Variants in ZNF804A observed in about 807,000 individuals in gnomAD.
The protein encoded by ZNF804A is zinc finger protein 804A.
A neutral mutation model predicts 16.5 loss-of-function variants in ZNF804A; 2 were observed. That is an observed-to-expected ratio of 0.12 (90% CI 0.05 to 0.38). ZNF804A has a LOEUF of 0.38. Among genes scored for constraint, ZNF804A ranks in the 10% least tolerant of loss-of-function variants. The pLI is 0.99. For synonymous variants in ZNF804A, 534 were observed against 489.6 expected, an observed-to-expected ratio of 1.09 and a Z score of -1.20; for missense variants, 1,473 against 1,390.7, an observed-to-expected ratio of 1.06 and a Z score of -0.94.
At chr2:184,647,947 AG>A (rs991692685) in intron 1 of ZNF804A, among the ~76,000 whole-genome samples, 32 of 152,172 alleles carry the variant, frequency 2.1e-4, no homozygotes, top group African/African-American at 7.5e-4. Flanking sequence ...AACATTCTAA[AG>A]TCAACACTAA....
At chr2:184,795,767 A>G (rs1274847998) in intron 1 of ZNF804A, among the ~76,000 whole-genome samples, 1 of 152,182 alleles carries the variant, frequency 6.6e-6, no homozygotes, top group Non-Finnish European at 1.5e-5. Context: ...TGAAATAAAA[A>G]AGACCATGCA....
intron 1 of ZNF804A, among the ~76,000 whole-genome samples, chr2:184,763,934 G>A (rs905184921): frequency 2.6e-5 from 4 of 151,896 alleles, no homozygotes; most frequent in Non-Finnish European, 4.4e-5. Flanking sequence ...GAGCCACTGC[G>A]CTGGCCCAAA....
chr2:184,717,289 C>A (rs1313424699), intron 1 of ZNF804A, among the ~76,000 whole-genome samples: 4 of 152,008 alleles, frequency 2.6e-5, no homozygotes, highest in African/African-American at 9.7e-5. Flanking sequence ...GAATTATTTT[C>A]CCAAATTTCT....
chr2:184,627,261 C>CAA (rs1691520964), intron 1 of ZNF804A, among the ~76,000 whole-genome samples: 1 of 151,652 alleles, frequency 6.6e-6, no homozygotes, highest in Non-Finnish European at 1.5e-5. Context: ...AATCATAATA[C>CAA]AATTGAATTT....
chr2:184,704,831 C>T (rs1389741796), intron 1 of ZNF804A, among the ~76,000 whole-genome samples: 1 of 152,284 alleles, frequency 6.6e-6, no homozygotes, highest in East Asian at 1.9e-4. Flanking sequence ...TGACACTGGT[C>T]GCTAACAACT....
chr2:184,629,487 A>G (rs1691568696), intron 1 of ZNF804A, among the ~76,000 whole-genome samples: 1 of 152,176 alleles, frequency 6.6e-6, no homozygotes, highest in Non-Finnish European at 1.5e-5. Flanking sequence ...ATTGTAATAA[A>G]CTAGATAGAT....
intron 1 of ZNF804A, among the ~76,000 whole-genome samples, chr2:184,756,727 CAT>C (rs1171786326): frequency 3.3e-5 from 5 of 151,904 alleles, no homozygotes; most frequent in Non-Finnish European, 7.4e-5. Flanking sequence ...CATTTAAATA[CAT>C]GTGTGTATAG....
chr2:184,744,829 A>G (rs1693763715), intron 1 of ZNF804A, among the ~76,000 whole-genome samples: 2 of 151,926 alleles, frequency 1.3e-5, no homozygotes, highest in African/African-American at 4.8e-5. Context: ...AACTATCCGT[A>G]TAAATATGCA....
chr2:184,899,584 A>G (rs1044696395), intron 2 of ZNF804A, among the ~76,000 whole-genome samples: 3 of 152,062 alleles, frequency 2.0e-5, no homozygotes, highest in African/African-American at 4.8e-5. Flanking sequence ...ATGTTCTACA[A>G]TAAGAAAGTA....
intron 1 of ZNF804A, among the ~76,000 whole-genome samples, chr2:184,832,230 T>C (rs1315004250): frequency 2.6e-5 from 4 of 152,006 alleles, no homozygotes; most frequent in Non-Finnish European, 4.4e-5. Context: ...GTCCTAGATA[T>C]CCAAATATCT....
At chr2:184,860,029 T>C (rs141420843) in intron 1 of ZNF804A, among the ~76,000 whole-genome samples, 1 of 152,306 alleles carries the variant, frequency 6.6e-6, no homozygotes, top group East Asian at 1.9e-4. Flanking sequence ...TAGGTCTGGG[T>C]CCTGAGTCCA....
At chr2:184,701,479 A>G (rs1165836573) in intron 1 of ZNF804A, among the ~76,000 whole-genome samples, 1 of 151,924 alleles carries the variant, frequency 6.6e-6, no homozygotes, top group Admixed American at 6.6e-5. Flanking sequence ...GTTGCCTGAA[A>G]TCATGAGTAA....
At position 184,936,856 on chromosome 2, in the gene ZNF804A, A is replaced by C; in HGVS notation, c.1460A>C (p.Gln487Pro). ...GACTTAAAAGATCTTTGTTCTCAGC[A>C]GAAGCAGGAAGACATTTGCATGGGA... ...KPDLKDLCSQ[Q>P]KQEDICMGPL... Residue 487 changes from glutamine to proline, a missense_variant, in exon 4 of 4, where the codon CAG (glutamine) becomes CCG (proline). Physicochemically the swap from Gln to Pro is moderately conservative, Grantham distance 76. Coordinates refer to ENST00000302277, the MANE Select transcript of ZNF804A (RefSeq NM_194250.2). 6.2e-7 allele frequency: 1 copy of C among 1,613,262 alleles called. No homozygotes were observed. The highest frequency in any genetic ancestry group is 1.1e-5 in the South Asian group (1 of 90,984).
chr2:184,905,256 C>T (rs973589130), intron 2 of ZNF804A, among the ~76,000 whole-genome samples: 1 of 152,094 alleles, frequency 6.6e-6, no homozygotes, highest in Non-Finnish European at 1.5e-5. Context: ...TTCCTTTTAA[C>T]TTCTTGTAAG....
intron 1 of ZNF804A, among the ~76,000 whole-genome samples, chr2:184,682,735 C>G (rs1480481): frequency 6.6e-6 from 1 of 151,996 alleles, no homozygotes; most frequent in Non-Finnish European, 1.5e-5. Context: ...TTTCCACCCC[C>G]GGTAAGTTAG....
At chr2:184,914,020 T>C (rs1244023543) in intron 2 of ZNF804A, among the ~76,000 whole-genome samples, 1 of 152,172 alleles carries the variant, frequency 6.6e-6, no homozygotes, top group Admixed American at 6.6e-5. Flanking sequence ...GATGCCTGTG[T>C]CAGAACATCT....
At chr2:184,845,580 G>A (rs1217052362) in intron 1 of ZNF804A, among the ~76,000 whole-genome samples, 1 of 152,084 alleles carries the variant, frequency 6.6e-6, no homozygotes, top group Admixed American at 6.6e-5. Flanking sequence ...TCCCCTGGCT[G>A]GAACAAAGTA....
chr2:184,719,467 T>C (rs915708617), intron 1 of ZNF804A, among the ~76,000 whole-genome samples: 1 of 152,306 alleles, frequency 6.6e-6, no homozygotes, highest in East Asian at 1.9e-4. Context: ...TTTACTATCA[T>C]GTTGTCAAGC....
chr2:184,890,058 A>G lies in ZNF804A; in HGVS notation c.255+23546A>G, dbSNP rs1203859451. 2.0e-5 allele frequency among the ~76,000 whole-genome samples: 3 copies of G among 152,138 alleles called. No individual in the cohort carries two copies. The East Asian group carries it at 5.8e-4, about 29-fold the overall frequency. On this transcript the variant is annotated intron_variant, in intron 2 of 3. Coordinates refer to ENST00000302277, the MANE Select transcript of ZNF804A (RefSeq NM_194250.2). ...AATGTGGAGAGGTTGATACCACTTT[A>G]GTGATATTCCTTGGGATAACCAAAG...
Sources: allele counts gnomAD v4.1 joint callset (sites outside exome capture counted in the v4.1 genomes callset), GRCh38; gene constraint gnomAD v4.1.1; transcripts MANE v1.5; gene names NCBI Gene and HGNC (gene_info 2026-07-23, HGNC 2026-07-21).